UBE2W: variants seen among roughly 807,000 people sequenced by gnomAD.
The protein encoded by UBE2W is ubiquitin conjugating enzyme E2 W, also known as ubiquitin-conjugating enzyme E2 W.
A neutral mutation model predicts 27.2 loss-of-function variants in UBE2W; 18 were observed. The observed-to-expected ratio is 0.66, with a 90% CI of 0.46 to 0.98. The LOEUF (loss-of-function observed/expected upper bound fraction) is 0.98, where lower values mean the gene tolerates loss of function less well. Among genes scored for constraint, UBE2W ranks in the 50% least tolerant of loss-of-function variants. The pLI, the probability that UBE2W is intolerant of heterozygous loss-of-function variation, is 0.00. For missense variants in UBE2W, 90 were observed against 180.2 expected (o/e 0.50, Z 2.87); for synonymous variants, 53 against 57.2 (o/e 0.93, Z 0.33).
At chr8:73,799,632 T>C (rs74890333) in intron 5 of UBE2W, among the ~76,000 whole-genome samples, 3,670 of 152,316 alleles carry the variant, frequency 0.024, 152 homozygotes, top group African/African-American at 0.084. Flanking sequence ...TGCTTAGATC[T>C]GACAAACACT....
At chr8:73,848,902 C>G (rs1349921745) in intron 1 of UBE2W, among the ~76,000 whole-genome samples, 1 of 152,054 alleles carries the variant, frequency 6.6e-6, no homozygotes, top group East Asian at 1.9e-4. Context: ...TCAGTAAAAA[C>G]ATGTATCAAA....
intron 3 of UBE2W, among the ~76,000 whole-genome samples, chr8:73,824,257 CA>C (rs1246625284): frequency 6.6e-6 from 1 of 152,160 alleles, no homozygotes; most frequent in Non-Finnish European, 1.5e-5. Flanking sequence ...AAATAGCTCT[CA>C]AAAAACATTT....
rs1339093539 is a variant in UBE2W at position 73,786,411 on chromosome 8, T to C, written c.*7691A>G. ...ACCAAGTTAATTCAATACACACTTATTAAATGCCTATGTGCTACAGGTACT... is the reference window on the plus strand; with the variant it reads ...ACCAAGTTAATTCAATACACACTTACTAAATGCCTATGTGCTACAGGTACT... On this transcript the variant is annotated 3_prime_UTR_variant, in exon 6 of 6. Coordinates refer to ENST00000602593, the MANE Select transcript of UBE2W (RefSeq NM_018299.6). 3.0e-6 allele frequency: 3 copies of C among 985,170 alleles called. No homozygotes were observed. The highest frequency in any genetic ancestry group is 2.3e-4 in the East Asian group (2 of 8,826). 61.0% of individuals were successfully genotyped at this position (985,170 alleles called of 1,614,324 possible). A position where few individuals can be genotyped will look rare whatever the true frequency, so the allele number is the denominator to read the frequency against.
intron 3 of UBE2W, among the ~76,000 whole-genome samples, chr8:73,817,842 C>A (rs559327837): frequency 6.6e-6 from 1 of 152,238 alleles, no homozygotes; most frequent in African/African-American, 2.4e-5. Flanking sequence ...TGGAGATGGG[C>A]CATCCCTCCT....
At position 73,789,134 on chromosome 8, in the gene UBE2W, T is replaced by C; in HGVS notation, c.*4968A>G. Reference sequence around the variant, plus strand: ...CTAAGTTTCAAGTACATGTCTAGATTCTATGTGCCTCTAATGATAATGATG... The same window carrying C: ...CTAAGTTTCAAGTACATGTCTAGATCCTATGTGCCTCTAATGATAATGATG... On this transcript the variant is annotated 3_prime_UTR_variant, in exon 6 of 6. Transcript: ENST00000602593. 14 of 984,726 alleles carry C rather than the reference T, an allele frequency of 1.4e-5. No individual in the cohort carries two copies. Among genetic ancestry groups the C allele is most frequent in the Non-Finnish European group, 1.7e-5 (14 of 829,782 alleles). The allele number at this position is 984,726 out of a possible 1,614,324, so 61.0% of individuals were successfully genotyped here.
At chr8:73,849,706 GACTA>G (rs1810991976) in intron 1 of UBE2W, among the ~76,000 whole-genome samples, 1 of 151,884 alleles carries the variant, frequency 6.6e-6, no homozygotes, top group Non-Finnish European at 1.5e-5. Flanking sequence ...TTAAAAATTT[GACTA>G]ACTTCTTTAG....
Position 73,791,220 on chromosome 8 carries a change from A to C in UBE2W, c.*2882T>G. 1 of 984,696 alleles carries C rather than the reference A, an allele frequency of 1.0e-6. No individual in the cohort carries two copies. The highest frequency in any genetic ancestry group is 1.2e-6 in the Non-Finnish European group (1 of 829,506). The allele number at this position is 984,696 out of a possible 1,614,324, so 61.0% of individuals were successfully genotyped here. Reference sequence around the variant, plus strand: ...TAAAAAATTCTCTTAAAAACTGAAAACAATCCTTCTCTCTAAACCTATGGC... The same window carrying C: ...TAAAAAATTCTCTTAAAAACTGAAACCAATCCTTCTCTCTAAACCTATGGC... On this transcript the variant is annotated 3_prime_UTR_variant, in exon 6 of 6. Coordinates refer to ENST00000602593, the MANE Select transcript of UBE2W (RefSeq NM_018299.6).
chr8:73,821,120 C>T (rs917496199), intron 3 of UBE2W, among the ~76,000 whole-genome samples: 1 of 152,174 alleles, frequency 6.6e-6, no homozygotes, highest in East Asian at 1.9e-4. Flanking sequence ...CACCGGTACT[C>T]GCATCTAATT....
At chr8:73,837,594 CTGAGT>C (rs1468962546) in intron 1 of UBE2W, among the ~76,000 whole-genome samples, 1 of 152,030 alleles carries the variant, frequency 6.6e-6, no homozygotes, top group African/African-American at 2.4e-5. Flanking sequence ...GAGTATGTTT[CTGAGT>C]TAACTTTTTA....
At chr8:73,838,224 C>T (rs1236985636) in intron 1 of UBE2W, among the ~76,000 whole-genome samples, 1 of 152,174 alleles carries the variant, frequency 6.6e-6, no homozygotes, top group Non-Finnish European at 1.5e-5. Flanking sequence ...AGCTCCCTTT[C>T]TCTCCTTCCT....
intron 1 of UBE2W, among the ~76,000 whole-genome samples, chr8:73,840,275 C>G (rs1290326071): frequency 6.6e-6 from 1 of 152,114 alleles, no homozygotes; most frequent in Non-Finnish European, 1.5e-5. Flanking sequence ...CCGGGATGGT[C>G]TCTATCTCCT....
intron 1 of UBE2W, among the ~76,000 whole-genome samples, chr8:73,865,941 C>T (rs1162257526): frequency 2.6e-5 from 4 of 152,038 alleles, no homozygotes; most frequent in South Asian, 2.1e-4. Context: ...AAGTTGATAA[C>T]GCCTCTTTTA....
rs1421430857 is a variant in UBE2W at position 73,786,460 on chromosome 8, G to A, written c.*7642C>T. On this transcript the variant is annotated 3_prime_UTR_variant, in exon 6 of 6. Transcript: ENST00000602593. ...CTGTATACTAGGTACTGTGTGCTAC[G>A]TGCTGGGGACACAAACACAATTGCA... The A allele has an allele frequency of 1.7e-5, 17 of 984,794 alleles. No homozygotes were observed. Among genetic ancestry groups the A allele is most frequent in the South Asian group, 4.7e-5 (1 of 21,276 alleles). 61.0% of individuals were successfully genotyped at this position (984,794 alleles called of 1,614,324 possible).
At chr8:73,876,048 T>A (rs1346771934) in intron 1 of UBE2W, among the ~76,000 whole-genome samples, 1 of 152,078 alleles carries the variant, frequency 6.6e-6, no homozygotes, top group Non-Finnish European at 1.5e-5. Flanking sequence ...CGAGACTCCA[T>A]CTCAACACAA....
In UBE2W at chr8:73,791,086, G is replaced by C; in HGVS notation, c.*3016C>G. 1.0e-6 allele frequency: 1 copy of C among 984,884 alleles called. No homozygotes were observed. The highest frequency in any genetic ancestry group is 1.2e-6 in the Non-Finnish European group (1 of 829,584). 61.0% of individuals were successfully genotyped at this position (984,884 alleles called of 1,614,324 possible). A position where few individuals can be genotyped will look rare whatever the true frequency, so the allele number is the denominator to read the frequency against. On this transcript the variant is annotated 3_prime_UTR_variant, in exon 6 of 6. Coordinates refer to ENST00000602593, the MANE Select transcript of UBE2W (RefSeq NM_018299.6). ...GCTATTTCCAGCACTTTCTTCTGGG[G>C]ATTAAAAATGATTTATTTCCCTGCT...
intron 3 of UBE2W, among the ~76,000 whole-genome samples, chr8:73,824,210 T>C (rs1256275929): frequency 2.0e-5 from 3 of 152,232 alleles, no homozygotes; most frequent in African/African-American, 7.2e-5. Flanking sequence ...TCCTAGAGTC[T>C]TCCTTTCTCT....
In UBE2W at chr8:73,816,337, G is replaced by A. The variant is rs571075079; in HGVS notation, c.211-5708C>T. 2.5e-3 allele frequency among the ~76,000 whole-genome samples: 387 copies of A among 152,230 alleles called. 2 individuals carry two copies. The highest frequency in any genetic ancestry group is 7.0e-3 in the South Asian group (34 of 4,824). On this transcript the variant is annotated intron_variant, in intron 3 of 5. Coordinates refer to ENST00000602593, the MANE Select transcript of UBE2W (RefSeq NM_018299.6). ...AACCTTCTTGTCAGGTGTCCAAGAC[G>A]CTTGTCAATTTAAGGCAATAAAAAC...
intron 2 of UBE2W, among the ~76,000 whole-genome samples, chr8:73,825,474 A>G (rs1005787503): frequency 1.3e-5 from 2 of 152,170 alleles, no homozygotes; most frequent in Non-Finnish European, 2.9e-5. Context: ...TCAGACAGCT[A>G]GCAAAAGACA....
At chr8:73,828,066 G>A (rs566037511) in intron 2 of UBE2W, among the ~76,000 whole-genome samples, 69 of 152,106 alleles carry the variant, frequency 4.5e-4, no homozygotes, top group Middle Eastern at 3.4e-3. Flanking sequence ...AAACCATCAG[G>A]GTTTATGATT....
Sources: allele counts gnomAD v4.1 joint callset (sites outside exome capture counted in the v4.1 genomes callset), GRCh38; gene constraint gnomAD v4.1.1; transcripts MANE v1.5; gene names NCBI Gene and HGNC (gene_info 2026-07-23, HGNC 2026-07-21).